TTC7B: variants seen among roughly 807,000 people sequenced by gnomAD.
TTC7B encodes the protein tetratricopeptide repeat domain 7B.
Under a neutral mutation model 106.8 loss-of-function variants are expected in TTC7B, and 28 were observed. The observed-to-expected ratio is 0.26, with a 90% CI of 0.19 to 0.36. The LOEUF is 0.36. Among genes scored for constraint, TTC7B ranks in the 10% least tolerant of loss-of-function variants. The pLI, the probability that TTC7B is intolerant of heterozygous loss-of-function variation, is 1.00. For missense variants in TTC7B, 862 were observed against 1,076.4 expected (o/e 0.80, Z 2.79); for synonymous variants, 405 against 430.6 (o/e 0.94, Z 0.74).
At chr14:90,746,680 C>A (rs1167001204) in intron 3 of TTC7B, among the ~76,000 whole-genome samples, 1 of 152,052 alleles carries the variant, frequency 6.6e-6, no homozygotes, top group East Asian at 1.9e-4. Flanking sequence ...TAATTTTGGA[C>A]CTTTTTATTT....
chr14:90,621,865 G>A (rs1349202374), intron 15 of TTC7B, among the ~76,000 whole-genome samples: 6 of 152,188 alleles, frequency 3.9e-5, no homozygotes, highest in African/African-American at 1.2e-4. Flanking sequence ...ACATCTGGCT[G>A]GGTGTATGTT....
chr14:90,714,247 A>AT (rs1012650345), intron 5 of TTC7B, among the ~76,000 whole-genome samples: 1 of 152,050 alleles, frequency 6.6e-6, no homozygotes, highest in African/African-American at 2.4e-5. Flanking sequence ...AGAAAAAAAA[A>AT]GTGAGACACA....
rs1892387817 is a variant in TTC7B at position 90,600,670 on chromosome 14, G to A, written c.1967-7044C>T. On this transcript the variant is annotated intron_variant, in intron 17 of 19. Coordinates refer to ENST00000328459, the MANE Select transcript of TTC7B (RefSeq NM_001010854.2). This position sits in a 1 kb window ranked among gnomAD's most constrained non-coding sequence, Gnocchi z 4.3. ...GTAAGGCAGGGAGGGCCGGGGACAT[G>A]TCATCACCGGTGGGCATGCGGGGCT... Among the ~76,000 whole-genome samples the A allele has an allele frequency of 6.6e-6, 1 of 152,242 alleles. No individual in the cohort carries two copies. Among genetic ancestry groups the A allele is most frequent in the Admixed American group, 6.5e-5 (1 of 15,292 alleles).
chr14:90,532,680 G>C lies in TTC7B; in HGVS notation c.*8688C>G, dbSNP rs1196416843. 6.6e-6 allele frequency: 1 copy of C among 152,200 alleles called. No homozygotes were observed. Among genetic ancestry groups the C allele is most frequent in the Non-Finnish European group, 1.5e-5 (1 of 68,036 alleles). The allele number at this position is 152,200 out of a possible 1,614,324, so 9.4% of individuals were successfully genotyped here. On this transcript the variant is annotated 3_prime_UTR_variant, in exon 20 of 20. Coordinates refer to ENST00000328459, the MANE Select transcript of TTC7B (RefSeq NM_001010854.2). ...TTGTTTACCCCTCTGTTTGGGGTCT[G>C]TCTTCCCAGTCCCCAATAAGACCAC...
intron 6 of TTC7B, among the ~76,000 whole-genome samples, chr14:90,691,682 T>C (rs1263989445): frequency 6.6e-6 from 1 of 152,220 alleles, no homozygotes; most frequent in African/African-American, 2.4e-5. Flanking sequence ...TTTGTGTGTG[T>C]ATGTGTTTTA....
chr14:90,768,126 A>T (rs993251226), intron 3 of TTC7B, among the ~76,000 whole-genome samples: 1 of 152,232 alleles, frequency 6.6e-6, no homozygotes, highest in Non-Finnish European at 1.5e-5. Flanking sequence ...CATCAGAAAC[A>T]TAAGAGGCCA....
chr14:90,787,988 C>G (rs940061530), intron 1 of TTC7B, among the ~76,000 whole-genome samples: 1 of 152,068 alleles, frequency 6.6e-6, no homozygotes. Context: ...TGTGGTGAAA[C>G]CCGGTATCTA....
At position 90,663,598 on chromosome 14, in the gene TTC7B, G is replaced by A. The variant is rs1886292873; in HGVS notation, c.1153-5211C>T. ...AGTGGTGCCACGTCTCCAGCCCATCGCAAAGTTCTCAATCGACAAAGATTA... is the reference window on the plus strand; with the variant it reads ...AGTGGTGCCACGTCTCCAGCCCATCACAAAGTTCTCAATCGACAAAGATTA... On this transcript the variant is annotated intron_variant, in intron 9 of 19. Coordinates refer to ENST00000328459, the MANE Select transcript of TTC7B (RefSeq NM_001010854.2). This position sits in a 1 kb window ranked among gnomAD's most constrained non-coding sequence, Gnocchi z 4.5. Among the ~76,000 whole-genome samples, 1 of 152,116 alleles carries A rather than the reference G, an allele frequency of 6.6e-6. No individual in the cohort carries two copies. Among genetic ancestry groups the A allele is most frequent in the African/African-American group, 2.4e-5 (1 of 41,440 alleles).
chr14:90,641,683 C>G (rs1268553662), intron 15 of TTC7B, among the ~76,000 whole-genome samples: 1 of 152,214 alleles, frequency 6.6e-6, no homozygotes, highest in Admixed American at 6.5e-5. Context: ...TTTGAGCTTA[C>G]GGCTTAACAT....
chr14:90,777,517 G>T (rs868075604), intron 3 of TTC7B, among the ~76,000 whole-genome samples: 1 of 152,096 alleles, frequency 6.6e-6, no homozygotes, highest in Non-Finnish European at 1.5e-5. Context: ...CCAGGGGAAG[G>T]GACTCTATCT....
At chr14:90,711,038 C>G (rs1888425703) in intron 5 of TTC7B, among the ~76,000 whole-genome samples, 1 of 152,018 alleles carries the variant, frequency 6.6e-6, no homozygotes, top group African/African-American at 2.4e-5. Flanking sequence ...AAAAACATTC[C>G]CACCTAAGCA....
At chr14:90,634,482 G>C (rs576853285) in intron 15 of TTC7B, among the ~76,000 whole-genome samples, 1 of 152,010 alleles carries the variant, frequency 6.6e-6, no homozygotes, top group Non-Finnish European at 1.5e-5. Flanking sequence ...TATATAAGAA[G>C]AGAGGGAGGC....
intron 15 of TTC7B, among the ~76,000 whole-genome samples, chr14:90,631,081 G>A (rs144097979): frequency 2.5e-4 from 38 of 152,314 alleles, no homozygotes; most frequent in African/African-American, 9.1e-4. Context: ...TGATCTGCCT[G>A]CCTTGGCCTC....
chr14:90,639,924 T>A (rs1364203903), intron 15 of TTC7B, among the ~76,000 whole-genome samples: 1 of 152,202 alleles, frequency 6.6e-6, no homozygotes, highest in Non-Finnish European at 1.5e-5. Context: ...CATAAGGACA[T>A]ATTCAGTCTG....
chr14:90,812,274 G>A (rs1443590368), intron 1 of TTC7B, among the ~76,000 whole-genome samples: 1 of 152,192 alleles, frequency 6.6e-6, no homozygotes, highest in Non-Finnish European at 1.5e-5. Flanking sequence ...TTCACACACA[G>A]TGGTGACCTC....
intron 17 of TTC7B, chr14:90,593,861 A>C: frequency 1.3e-5 from 5 of 382,180 alleles, no homozygotes; most frequent in East Asian, 4.1e-5. Flanking sequence ...CCAGGAGCTC[A>C]GCCTAGCGGT....
chr14:90,652,809 A>G (rs200171342), intron 13 of TTC7B, 32 bp downstream of exon 13: 7 of 1,612,664 alleles, frequency 4.3e-6, no homozygotes, highest in African/African-American at 4.0e-5. Flanking sequence ...GTCATTATGT[A>G]CAGCCGAGTG....
At chr14:90,670,738 G>A (rs1255846042) in intron 9 of TTC7B, among the ~76,000 whole-genome samples, 1 of 152,144 alleles carries the variant, frequency 6.6e-6, no homozygotes, top group Non-Finnish European at 1.5e-5. Context: ...CATTCTTTGG[G>A]GCAGGGTGTC....
rs1399679422 is a variant in TTC7B at position 90,744,921 on chromosome 14, T to C, written c.447A>G (p.Gly149=). 6.2e-7 allele frequency: 1 copy of C among 1,609,846 alleles called. No homozygotes were observed. Among genetic ancestry groups the C allele is most frequent in the Non-Finnish European group, 8.5e-7 (1 of 1,179,054 alleles). The change falls in exon 4 of 20, where the codon GGA becomes GGG. Residue 149 remains glycine (G), a splice_region_variant and synonymous_variant. Coordinates refer to ENST00000328459, the MANE Select transcript of TTC7B (RefSeq NM_001010854.2). Reference sequence around the variant, plus strand: ...AAATAGGCAGCTTCTCCAAACAAAGTCCTTAAAAAAATATCAGACACAAAA... The same window carrying C: ...AAATAGGCAGCTTCTCCAAACAAAGCCCTTAAAAAAATATCAGACACAAAA... ...RVIAEAYATK[G]LCLEKLPISS...
Sources: allele counts gnomAD v4.1 joint callset (sites outside exome capture counted in the v4.1 genomes callset), GRCh38; gene constraint gnomAD v4.1.1; non-coding constraint Gnocchi (gnomAD v3.1); transcripts MANE v1.5; gene names NCBI Gene and HGNC (gene_info 2026-07-23, HGNC 2026-07-21).